Variants in PLPP3 observed in about 807,000 individuals in gnomAD.
The protein encoded by PLPP3 is PAP2 beta.
In PLPP3, 6 loss-of-function variants were observed where a neutral mutation model predicts 29.6. The observed-to-expected ratio is 0.20, with a 90% CI of 0.11 to 0.40. PLPP3 has a LOEUF of 0.40. Among genes scored for constraint, PLPP3 ranks in the 10% least tolerant of loss-of-function variants. The pLI is 1.00. For missense variants in PLPP3, 308 were observed against 407.7 expected (o/e 0.76, Z 2.11); for synonymous variants, 152 against 159.7 (o/e 0.95, Z 0.36).
intron 5 of PLPP3, among the ~76,000 whole-genome samples, chr1:56,498,023 A>G (rs1569858984): frequency 1.3e-5 from 2 of 152,082 alleles, no homozygotes; most frequent in South Asian, 4.1e-4. Context: ...CTACCAAAAC[A>G]TATAATAAGT....
At chr1:56,525,527 G>A (rs1298124874) in intron 2 of PLPP3, among the ~76,000 whole-genome samples, 1 of 152,126 alleles carries the variant, frequency 6.6e-6, no homozygotes, top group Non-Finnish European at 1.5e-5. Flanking sequence ...TGATGCTCAA[G>A]ATAGATATAG....
At chr1:56,519,976 A>T (rs759391051) in intron 4 of PLPP3, among the ~76,000 whole-genome samples, 15 of 152,184 alleles carry the variant, frequency 9.9e-5, no homozygotes, top group Admixed American at 2.0e-4. Context: ...CCGGTCTGCC[A>T]TTCTCTGAAC....
intron 1 of PLPP3, 96 bp from the exon 2 acceptor site, chr1:56,537,208 T>TCC (rs1365363576): frequency 3.1e-6 from 4 of 1,300,364 alleles, no homozygotes; most frequent in African/African-American, 3.0e-5. Context: ...GAAAAGACCA[T>TCC]CCCAAATATC....
At chr1:56,534,735 C>T (rs144853075) in intron 2 of PLPP3, among the ~76,000 whole-genome samples, 29 of 152,266 alleles carry the variant, frequency 1.9e-4, no homozygotes, top group East Asian at 1.7e-3. Flanking sequence ...TTATCCCCTC[C>T]ACCTCTGAGG....
intron 1 of PLPP3, 139 bp downstream of exon 1, chr1:56,578,739 G>T (rs1208577077): frequency 4.2e-6 from 4 of 950,798 alleles, no homozygotes; most frequent in Non-Finnish European, 5.4e-6. Context: ...GCGGCGCAAA[G>T]GCTCCCCAGG....
chr1:56,508,142 G>A (rs1645715672), intron 5 of PLPP3, among the ~76,000 whole-genome samples: 1 of 152,226 alleles, frequency 6.6e-6, no homozygotes, highest in Non-Finnish European at 1.5e-5. Flanking sequence ...TAATACAGAA[G>A]GTTTCATCAG....
chr1:56,523,170 T>C (rs1645830790), intron 4 of PLPP3, among the ~76,000 whole-genome samples: 1 of 152,188 alleles, frequency 6.6e-6, no homozygotes, highest in African/African-American at 2.4e-5. Flanking sequence ...AAGTCATGCG[T>C]CCTCATGGAG....
chr1:56,529,810 T>C (rs1455265643), intron 2 of PLPP3, among the ~76,000 whole-genome samples: 1 of 152,176 alleles, frequency 6.6e-6, no homozygotes, highest in Admixed American at 6.5e-5. Flanking sequence ...GACATAGATC[T>C]GTCCAAAGAC....
At chr1:56,505,223 T>C (rs1645694314) in intron 5 of PLPP3, among the ~76,000 whole-genome samples, 2 of 152,238 alleles carry the variant, frequency 1.3e-5, no homozygotes, top group African/African-American at 4.8e-5. Context: ...GTGCCAAGCA[T>C]GATGTATCTT....
In PLPP3 at chr1:56,538,492, T is replaced by C. The variant is rs140969960; in HGVS notation, c.140-1380A>G. ...GGAAAGAGGAGAGGCACCCGATAGATGTTCTCTAGGCCTGTTAGAAAACAT... is the reference window on the plus strand; with the variant it reads ...GGAAAGAGGAGAGGCACCCGATAGACGTTCTCTAGGCCTGTTAGAAAACAT... On this transcript the variant is annotated intron_variant, in intron 1 of 5. Coordinates refer to ENST00000371250, the MANE Select transcript of PLPP3 (RefSeq NM_003713.5). The C allele has an allele frequency of 7.3e-3, 3,302 of 449,260 alleles. 14 individuals carry two copies. The highest frequency in any genetic ancestry group is 9.7e-3 in the Non-Finnish European group (2,200 of 225,872). 27.8% of individuals were successfully genotyped at this position (449,260 alleles called of 1,614,324 possible).
At chr1:56,557,000 A>AAGAAGGAAAGAAAGAAAAGAAAGAAAG (rs1557513455) in intron 1 of PLPP3, among the ~76,000 whole-genome samples, 2 of 10,724 alleles carry the variant, frequency 1.9e-4, no homozygotes, top group African/African-American at 7.0e-4. Context: ...GAAAGAAAGA[A>AAGAAGGAAAGAAAGAAAAGAAAGAAAG]AGAAAGAAAG....
intron 2 of PLPP3, among the ~76,000 whole-genome samples, chr1:56,536,688 A>G (rs1204458384): frequency 1.3e-5 from 2 of 152,162 alleles, no homozygotes; most frequent in African/African-American, 2.4e-5. Flanking sequence ...GGGGTTTGAA[A>G]TCAGCCAGGC....
At chr1:56,556,039 A>G (rs907176777) in intron 1 of PLPP3, among the ~76,000 whole-genome samples, 2 of 152,232 alleles carry the variant, frequency 1.3e-5, no homozygotes, top group African/African-American at 4.8e-5. Context: ...GTATCATTTT[A>G]GAGTCAGGCC....
chr1:56,499,702 C>T (rs908619298), intron 5 of PLPP3, among the ~76,000 whole-genome samples: 1 of 152,324 alleles, frequency 6.6e-6, no homozygotes, highest in African/African-American at 2.4e-5. Flanking sequence ...TGAGGTTACA[C>T]AAACACTTTT....
intron 5 of PLPP3, among the ~76,000 whole-genome samples, chr1:56,497,029 A>T: frequency 6.6e-6 from 1 of 152,242 alleles, no homozygotes; most frequent in East Asian, 1.9e-4. Context: ...GCAGGTCATA[A>T]TTAGTGATAG....
chr1:56,531,270 C>T (rs1209188968), intron 2 of PLPP3, among the ~76,000 whole-genome samples: 1 of 152,184 alleles, frequency 6.6e-6, no homozygotes, highest in Non-Finnish European at 1.5e-5. Flanking sequence ...CTAGCAGCCA[C>T]CACCATGCAC....
chr1:56,532,914 GT>G, intron 2 of PLPP3, among the ~76,000 whole-genome samples: 1 of 152,240 alleles, frequency 6.6e-6, no homozygotes, highest in African/African-American at 2.4e-5. Context: ...TGGGCCCAGG[GT>G]TCTCTGTGAC....
chr1:56,557,000 A>AGGAAAGAAAGAAAGAAAAGAAAGAAAG (rs1646082519), intron 1 of PLPP3, among the ~76,000 whole-genome samples: 2 of 10,706 alleles, frequency 1.9e-4, no homozygotes, highest in Admixed American at 1.4e-3. Flanking sequence ...GAAAGAAAGA[A>AGGAAAGAAAGAAAGAAAAGAAAGAAAG]AGAAAGAAAG....
At chr1:56,554,571 C>CA (rs1377385549) in intron 1 of PLPP3, among the ~76,000 whole-genome samples, 11,287 of 93,426 alleles carry the variant, frequency 0.12, 591 homozygotes, top group Admixed American at 0.21. Context: ...GACTCCATCT[C>CA]AAAAAAAAAA....
Sources: allele counts gnomAD v4.1 joint callset (sites outside exome capture counted in the v4.1 genomes callset), GRCh38; gene constraint gnomAD v4.1.1; transcripts MANE v1.5; gene names NCBI Gene and HGNC (gene_info 2026-07-23, HGNC 2026-07-21).